ALKBH6: variants seen among roughly 807,000 people sequenced by gnomAD.
ALKBH6 encodes the protein alkB homolog 6, nucleotide demethylase, also known as probable RNA/DNA demethylase ALKBH6.
A neutral mutation model predicts 25.1 loss-of-function variants in ALKBH6; 20 were observed. That is an observed-to-expected ratio of 0.80 (90% confidence interval 0.56 to 1.16). The LOEUF (loss-of-function observed/expected upper bound fraction) is 1.16. Ranked by LOEUF, ALKBH6 falls within the 50% of genes most tolerant of loss-of-function variation. ALKBH6 has a pLI of 0.00. For synonymous variants in ALKBH6, 156 were observed against 147.5 expected, an observed-to-expected ratio of 1.06 and a Z score of -0.42; for missense variants, 263 against 326.5, an observed-to-expected ratio of 0.81 and a Z score of 1.50.
At chr19:36,012,553 A>G (rs1300652044) in intron 3 of ALKBH6, 2 of 156,232 alleles carry the variant, frequency 1.3e-5, no homozygotes, top group African/African-American at 4.8e-5. Context: ...ACTCCAACAC[A>G]GGGAAGATCT....
In ALKBH6 at chr19:36,012,824, A is replaced by G; in HGVS notation, c.123+197T>C. 25 of 597,604 alleles carry G rather than the reference A, an allele frequency of 4.2e-5. 1 individual carries two copies. The South Asian group carries it at 4.6e-4, about 11-fold the overall frequency. 37.0% of individuals were successfully genotyped at this position (597,604 alleles called of 1,614,324 possible). A position where few individuals can be genotyped will look rare whatever the true frequency, so the allele number is the denominator to read the frequency against. ...TCAATGATCTGAACTGGGCTATCTC[A>G]GCCTATGTTTATAACCCCCTATTCT... On this transcript the variant is annotated intron_variant, in intron 3 of 6. Coordinates refer to ENST00000378875, the MANE Select transcript of ALKBH6 (RefSeq NM_032878.5).
chr19:36,010,963 G>T lies in ALKBH6; in HGVS notation c.267C>A (p.Leu89=). 1 of 1,614,096 alleles carries T rather than the reference G, an allele frequency of 6.2e-7. No homozygotes were observed. The highest frequency in any genetic ancestry group is 8.5e-7 in the Non-Finnish European group (1 of 1,179,962). The change falls in exon 5 of 7, where the codon CTC becomes CTA. Residue 89 remains leucine, a synonymous_variant. Coordinates refer to ENST00000378875, the MANE Select transcript of ALKBH6 (RefSeq NM_032878.5). The surrounding 1 kb of genome is among the most constrained non-coding windows in gnomAD (Gnocchi z 5.5). ...LQRYVDKVSN[L]SLFGGLPANH... ...TAGCTGGGAGGCCTCCAAAGAGGCTGAGGTTTGACACTTTGTCCACGTAGC... is the reference window on the plus strand; with the variant it reads ...TAGCTGGGAGGCCTCCAAAGAGGCTTAGGTTTGACACTTTGTCCACGTAGC...
intron 1 of ALKBH6, 41 bp downstream of exon 1, chr19:36,014,134 A>T (rs376338501): frequency 6.2e-7 from 1 of 1,609,046 alleles, no homozygotes. Flanking sequence ...TTTCAGCCCT[A>T]TTGACATCCA....
rs1968668792 is a variant in ALKBH6 at position 36,013,300 on chromosome 19, A to T, written c.54+44T>A. 6.2e-7 allele frequency: 1 copy of T among 1,609,364 alleles called. No individual in the cohort carries two copies. Among genetic ancestry groups the T allele is most frequent in the Admixed American group, 1.7e-5 (1 of 59,928 alleles). On this transcript the variant is annotated intron_variant, in intron 2 of 6. Coordinates refer to ENST00000378875, the MANE Select transcript of ALKBH6 (RefSeq NM_032878.5). This position sits in a 1 kb window ranked among gnomAD's most constrained non-coding sequence, Gnocchi z 4.6. ...GCAGTCCCAACCCAAGAACTCAGGA[A>T]TCAGCCTGCCTCCTTCACCCTCTGC...
In ALKBH6 at chr19:36,010,664, A is replaced by G. The variant is rs1431455341; in HGVS notation, c.356T>C (p.Leu119Pro). 3.7e-6 allele frequency: 6 copies of G among 1,613,832 alleles called. No individual in the cohort carries two copies. The highest frequency in any genetic ancestry group is 1.7e-5 in the Admixed American group (1 of 59,978). Reference protein sequence around the residue: ...EGIMPHEDGPLYYPTVSTISL... With the variant: ...EGIMPHEDGPPYYPTVSTISL... ...GATGGTGCTGACAGTCGGGTAGTACAGTGGTCCGTCCTCGTGGGGCTAGGG... is the reference window on the plus strand; with the variant it reads ...GATGGTGCTGACAGTCGGGTAGTACGGTGGTCCGTCCTCGTGGGGCTAGGG... Residue 119 changes from leucine (L) to proline (P), a missense_variant, in exon 6 of 7, where the codon CTG becomes CCG. Coordinates refer to ENST00000378875, the MANE Select transcript of ALKBH6 (RefSeq NM_032878.5). The surrounding 1 kb of genome is among the most constrained non-coding windows in gnomAD (Gnocchi z 5.5).
Position 36,010,534 on chromosome 19 carries a change from T to C in ALKBH6, c.453+33A>G. On this transcript the variant is annotated intron_variant, in intron 6 of 6. Coordinates refer to ENST00000378875, the MANE Select transcript of ALKBH6 (RefSeq NM_032878.5). This position sits in a 1 kb window ranked among gnomAD's most constrained non-coding sequence, Gnocchi z 5.5. ...GGAGGATGTGCGAGGTTGAAGTGCCTACAAGCAGCTGGGGCAGTGTCTGGG... is the reference window on the plus strand; with the variant it reads ...GGAGGATGTGCGAGGTTGAAGTGCCCACAAGCAGCTGGGGCAGTGTCTGGG... The C allele has an allele frequency of 6.3e-7, 1 of 1,585,876 alleles. No homozygotes were observed. Among genetic ancestry groups the C allele is most frequent in the Non-Finnish European group, 8.6e-7 (1 of 1,156,374 alleles).
At chr19:36,011,513 G>A (rs771015590) in intron 3 of ALKBH6, 49 bp from the exon 4 acceptor site, 1 of 1,600,706 alleles carries the variant, frequency 6.2e-7, no homozygotes, top group Admixed American at 1.7e-5. Context: ...ACCCCTCTAT[G>A]ATCCTCCCAC....
Position 36,013,808 on chromosome 19 carries a change from A to G in ALKBH6, c.-26+367T>C, listed in dbSNP as rs757033313. 3.1e-6 allele frequency: 4 copies of G among 1,277,328 alleles called. No individual in the cohort carries two copies. Among genetic ancestry groups the G allele is most frequent in the Non-Finnish European group, 4.0e-6 (4 of 1,010,708 alleles). 79.1% of individuals were successfully genotyped at this position (1,277,328 alleles called of 1,614,324 possible). On this transcript the variant is annotated intron_variant, in intron 1 of 6. Coordinates refer to ENST00000378875, the MANE Select transcript of ALKBH6 (RefSeq NM_032878.5). The surrounding 1 kb of genome is among the most constrained non-coding windows in gnomAD (Gnocchi z 4.6). ...CCTTGAGACCCCGCTTCAGACCTGC[A>G]ACTGTGAGCCCGGCTATCAACACTC... is the stretch of plus-strand genomic sequence containing the variant.
chr19:36,014,031 C>T, intron 1 of ALKBH6, 144 bp downstream of exon 1: 3 of 1,499,064 alleles, frequency 2.0e-6, no homozygotes, highest in Non-Finnish European at 2.7e-6. Context: ...TTCTTCCCTC[C>T]CTGAACCATT....
chr19:36,009,800 G>C (rs1437087608), intron 6 of ALKBH6, among the ~76,000 whole-genome samples: 2 of 152,052 alleles, frequency 1.3e-5, no homozygotes, highest in Non-Finnish European at 2.9e-5. Context: ...TGGCAGATGG[G>C]GGCGTCAAAG....
intron 6 of ALKBH6, 46 bp from the exon 7 acceptor site, chr19:36,009,599 TG>T: frequency 5.3e-5 from 6 of 112,684 alleles, no homozygotes; most frequent in African/African-American, 1.0e-4. Context: ...AGTCGGGGGG[TG>T]GGGGTGGGCG....
In ALKBH6 at chr19:36,009,509, C is replaced by T. The variant is rs1968523725; in HGVS notation, c.498G>A (p.Pro166=). ...GGCCGCGGAGCACCAGCAGGCTGCG[C>T]GGTTCCAGCAGTAGCGAGGTGGTGG... ...PRPTTSLLLE[P]RSLLVLRGPA... Residue 166 remains proline, a synonymous_variant, in exon 7 of 7, where the codon CCG becomes CCA. Transcript: ENST00000378875. The T allele has an allele frequency of 9.1e-7, 1 of 1,094,668 alleles. No individual in the cohort carries two copies. The highest frequency in any genetic ancestry group is 4.1e-5 in the South Asian group (1 of 24,474). 67.8% of individuals were successfully genotyped at this position (1,094,668 alleles called of 1,614,324 possible).
chr19:36,013,827 A>G lies in ALKBH6; in HGVS notation c.-26+348T>C, dbSNP rs77614911. 4.9e-3 allele frequency: 6,253 copies of G among 1,287,552 alleles called. 193 individuals are homozygous for G. The African/African-American group carries it at 0.081, about 17-fold the overall frequency. 79.8% of individuals were successfully genotyped at this position (1,287,552 alleles called of 1,614,324 possible). Reference sequence around the variant, plus strand: ...ACCTGCAACTGTGAGCCCGGCTATCAACACTCAGCGACCCCCGCCCCCCAC... The same window carrying G: ...ACCTGCAACTGTGAGCCCGGCTATCGACACTCAGCGACCCCCGCCCCCCAC... On this transcript the variant is annotated intron_variant, in intron 1 of 6. Transcript: ENST00000378875. This position sits in a 1 kb window ranked among gnomAD's most constrained non-coding sequence, Gnocchi z 4.6.
intron 4 of ALKBH6, 161 bp from the exon 5 acceptor site, chr19:36,011,206 G>T: frequency 8.6e-7 from 1 of 1,166,026 alleles, no homozygotes; most frequent in Non-Finnish European, 1.2e-6. Context: ...CCAGACCACA[G>T]GTCCCTTTCA....
intron 3 of ALKBH6, 64 bp downstream of exon 3, chr19:36,012,957 G>T (rs781322479): frequency 1.3e-6 from 2 of 1,502,164 alleles, no homozygotes; most frequent in Non-Finnish European, 1.9e-6. Flanking sequence ...CTCATACAGA[G>T]GATGGACATT....
rs1410871439 is a variant in ALKBH6, at chr19:36,010,808, A to T, written c.336+86T>A. The T allele has an allele frequency of 6.3e-7, 1 of 1,581,718 alleles. No homozygotes were observed. On this transcript the variant is annotated intron_variant, in intron 5 of 6. Coordinates refer to ENST00000378875, the MANE Select transcript of ALKBH6 (RefSeq NM_032878.5). This position sits in a 1 kb window ranked among gnomAD's most constrained non-coding sequence, Gnocchi z 5.5. ...CCTGTTTGGGAGATGTGGCTGCCTA[A>T]TGAGTGAGGGTGGGTACAGAGTCCC...
At position 36,012,919 on chromosome 19, in the gene ALKBH6, C is replaced by T. The variant is rs959898077; in HGVS notation, c.123+102G>A. ...TCTGTAACTTCCTTGTTCCTTCTGT[C>T]GGGGTCTTCACTGCAGCCTTGGGGG... On this transcript the variant is annotated intron_variant, in intron 3 of 6. Transcript: ENST00000378875. 11 of 1,127,694 alleles carry T rather than the reference C, an allele frequency of 9.8e-6. No homozygotes were observed. In the African/African-American group the frequency reaches 1.1e-4, roughly 11 times the overall value. 69.9% of individuals were successfully genotyped at this position (1,127,694 alleles called of 1,614,324 possible).
At position 36,013,793 on chromosome 19, in the gene ALKBH6, C is replaced by T; in HGVS notation, c.-25-371G>A. 1 of 1,272,168 alleles carries T rather than the reference C, an allele frequency of 7.9e-7. No individual in the cohort carries two copies. The highest frequency in any genetic ancestry group is 9.9e-7 in the Non-Finnish European group (1 of 1,007,066). The allele number at this position is 1,272,168 out of a possible 1,614,324, so 78.8% of individuals were successfully genotyped here. On this transcript the variant is annotated intron_variant, in intron 1 of 6. Coordinates refer to ENST00000378875, the MANE Select transcript of ALKBH6 (RefSeq NM_032878.5). The surrounding 1 kb of genome is among the most constrained non-coding windows in gnomAD (Gnocchi z 4.6). ...GAGCCCCTTTAAACACCTTGAGACC[C>T]CGCTTCAGACCTGCAACTGTGAGCC...
intron 3 of ALKBH6, 74 bp downstream of exon 3, chr19:36,012,947 C>G: frequency 6.8e-7 from 1 of 1,460,416 alleles, no homozygotes; most frequent in South Asian, 1.1e-5. Context: ...CTTGGGGGCT[C>G]TCATACAGAG....
Sources: allele counts gnomAD v4.1 joint callset (sites outside exome capture counted in the v4.1 genomes callset), GRCh38; gene constraint gnomAD v4.1.1; non-coding constraint Gnocchi (gnomAD v3.1); transcripts MANE v1.5; gene names NCBI Gene and HGNC (gene_info 2026-07-23, HGNC 2026-07-21).